The following HFM1 variants were observed in gnomAD, a reference collection of about 807,000 sequenced individuals.
HFM1 encodes the protein helicase for meiosis 1.
In HFM1, 169 loss-of-function variants were observed where a neutral mutation model predicts 192.1. The ratio of observed to expected loss-of-function variants is 0.88; its 90% CI spans 0.78 to 1.00. The LOEUF is 1.00. Ranked by LOEUF, HFM1 falls within the 50% of genes least tolerant of loss-of-function variation. The pLI is 0.00. For missense variants in HFM1, 1,661 were observed against 1,668.0 expected, an observed-to-expected ratio of 1.00 and a Z score of 0.07; for synonymous variants, 525 against 537.8, an observed-to-expected ratio of 0.98 and a Z score of 0.33.
intron 30 of HFM1, among the ~76,000 whole-genome samples, chr1:91,310,847 C>T (rs1272804257): frequency 6.6e-6 from 1 of 152,198 alleles, no homozygotes; most frequent in Non-Finnish European, 1.5e-5. Flanking sequence ...ACAATTAAAC[C>T]TCTTTTCCTT....
rs76815039 is a variant in HFM1 at position 91,269,877 on chromosome 1, G to A, written c.3773-2022C>T. Among the ~76,000 whole-genome samples the A allele has an allele frequency of 1.6e-3, 237 of 152,210 alleles. 5 individuals are homozygous for A. The East Asian group carries it at 0.045, about 29-fold the overall frequency. On this transcript the variant is annotated intron_variant, in intron 34 of 38. Transcript: ENST00000370425. ...TATGAGAGAACAGAGAATTTGGGGA[G>A]AACTGTAAGTTTTCAGGATTTCTGG...
At position 91,278,728 on chromosome 1, in the gene HFM1, G is replaced by T. The variant is rs140581952; in HGVS notation, c.3392-1666C>A. Reference sequence around the variant, plus strand: ...TATGAGGCAACGGCTGGTCCTTAGAGCTGAACAGATCAATGTATTGGGTAC... The same window carrying T: ...TATGAGGCAACGGCTGGTCCTTAGATCTGAACAGATCAATGTATTGGGTAC... On this transcript the variant is annotated intron_variant, in intron 30 of 38. Transcript: ENST00000370425. 3.9e-5 allele frequency among the ~76,000 whole-genome samples: 6 copies of T among 152,228 alleles called. No individual in the cohort carries two copies. In the East Asian group the frequency reaches 1.2e-3, roughly 29 times the overall value.
intron 30 of HFM1, among the ~76,000 whole-genome samples, chr1:91,303,415 T>C (rs949189280): frequency 6.6e-5 from 10 of 152,342 alleles, no homozygotes; most frequent in East Asian, 3.9e-4. Flanking sequence ...TATTCATCAG[T>C]TGATAGATAT....
At chr1:91,307,455 T>G (rs779658030) in intron 30 of HFM1, among the ~76,000 whole-genome samples, 37 of 152,102 alleles carry the variant, frequency 2.4e-4, no homozygotes, top group Admixed American at 9.8e-4. Flanking sequence ...ATTTATTTTA[T>G]TTTATTTTTT....
intron 6 of HFM1, among the ~76,000 whole-genome samples, chr1:91,382,974 TAAAATATTTA>T (rs1251262720): frequency 6.6e-6 from 1 of 152,146 alleles, no homozygotes; most frequent in Non-Finnish European, 1.5e-5. Context: ...TCAAATGCAG[TAAAATATTTA>T]AAGAGAATAA....
chr1:91,380,262 T>C (rs762665291), intron 7 of HFM1, 26 bp from the exon 8 acceptor site: 22 of 1,413,000 alleles, frequency 1.6e-5, no homozygotes, highest in Non-Finnish European at 1.8e-5. Flanking sequence ...TAATCAATCA[T>C]GTAACATATA....
chr1:91,306,339 AAAAAC>A (rs565935704), intron 30 of HFM1, among the ~76,000 whole-genome samples: 3 of 152,340 alleles, frequency 2.0e-5, no homozygotes, highest in Middle Eastern at 3.4e-3. Flanking sequence ...TCTCAAAAAC[AAAAAC>A]AAAACAAAAC....
In HFM1 at chr1:91,273,811, C is replaced by A; in HGVS notation, c.3673G>T (p.Glu1225Ter). 1 of 1,513,468 alleles carries A rather than the reference C, an allele frequency of 6.6e-7. No individual in the cohort carries two copies. Among genetic ancestry groups the A allele is most frequent in the Non-Finnish European group, 9.1e-7 (1 of 1,095,174 alleles). 93.8% of individuals were successfully genotyped at this position (1,513,468 alleles called of 1,614,324 possible). A position where few individuals can be genotyped will look rare whatever the true frequency, so the allele number is the denominator to read the frequency against. ...KPSLPSISRS[E>*]YLNISELPIM... ...GGCAATTCAGATATGTTTAAATATTCTGACCTTTATAAAGATAAAACCATG... is the reference window on the plus strand; with the variant it reads ...GGCAATTCAGATATGTTTAAATATTATGACCTTTATAAAGATAAAACCATG... The change falls in exon 34 of 39, where the codon GAA becomes TAA. Residue 1225 changes from glutamate to a stop codon, truncating the protein, a stop_gained. Coordinates refer to ENST00000370425, the MANE Select transcript of HFM1 (RefSeq NM_001017975.6). LOFTEE classifies it high-confidence loss of function.
At chr1:91,372,738 AAAAAG>A (rs1660396546) in intron 13 of HFM1, among the ~76,000 whole-genome samples, 1 of 152,202 alleles carries the variant, frequency 6.6e-6, no homozygotes, top group Non-Finnish European at 1.5e-5. Flanking sequence ...GTATAATAAA[AAAAAG>A]AAAATTCATA....
intron 36 of HFM1, among the ~76,000 whole-genome samples, chr1:91,263,731 T>C (rs1162596262): frequency 6.6e-6 from 1 of 152,094 alleles, no homozygotes; most frequent in Non-Finnish European, 1.5e-5. Context: ...CTACCTTAAA[T>C]AAGTAAAAAA....
intron 35 of HFM1, among the ~76,000 whole-genome samples, chr1:91,266,426 C>A (rs1665770460): frequency 6.6e-6 from 1 of 152,190 alleles, no homozygotes; most frequent in East Asian, 1.9e-4. Context: ...CTGGTATTCA[C>A]TGTGGAACTG....
chr1:91,347,595 C>A, intron 18 of HFM1, 119 bp from the exon 19 acceptor site: 1 of 494,314 alleles, frequency 2.0e-6, no homozygotes, highest in Non-Finnish European at 3.6e-6. Context: ...AAAATCTCAG[C>A]TGATTGAGTT....
intron 13 of HFM1, among the ~76,000 whole-genome samples, chr1:91,358,313 T>C (rs1424147173): frequency 6.6e-6 from 1 of 152,042 alleles, no homozygotes; most frequent in Non-Finnish European, 1.5e-5. Context: ...ATAAAATTAG[T>C]ATGGAACCAC....
At chr1:91,352,685 A>C in intron 15 of HFM1, 34 bp from the exon 16 acceptor site, 1 of 1,514,180 alleles carries the variant, frequency 6.6e-7, no homozygotes, top group South Asian at 1.4e-5. Context: ...ATTTTGAGCC[A>C]TTTAACTTTG....
At chr1:91,314,095 C>T (rs769199485) in intron 28 of HFM1, 35 bp from the exon 29 acceptor site, 1 of 1,252,298 alleles carries the variant, frequency 8.0e-7, no homozygotes, top group South Asian at 1.3e-5. Flanking sequence ...GTGATCCAAA[C>T]ACTGAATGAA....
Position 91,329,857 on chromosome 1 carries a change from G to T in HFM1, c.2336-5091C>A, listed in dbSNP as rs138830021. 2.1e-3 allele frequency among the ~76,000 whole-genome samples: 323 copies of T among 152,318 alleles called. 1 individual carries two copies. The highest frequency in any genetic ancestry group is 7.3e-3 in the African/African-American group (305 of 41,586). On this transcript the variant is annotated intron_variant, in intron 20 of 38. Transcript: ENST00000370425. Reference sequence around the variant, plus strand: ...GAGATAAAAGGGGGAGACAAAAGATGTACAAAAATGATTTCCTGGCTGGCC... The same window carrying T: ...GAGATAAAAGGGGGAGACAAAAGATTTACAAAAATGATTTCCTGGCTGGCC...
chr1:91,319,079 A>C lies in HFM1; in HGVS notation c.2811T>G (p.Ile937Met), dbSNP rs1015088198. 1.3e-6 allele frequency: 2 copies of C among 1,588,434 alleles called. No homozygotes were observed. The highest frequency in any genetic ancestry group is 2.7e-5 in the African/African-American group (2 of 73,074). ...SLHVSKQLEK[I>M]GITLSNAIVN... ...TGCCTGCCTGTATTCAGTACCTACC[A>C]ATTTTTTCCAGTTGTTTGGATACAT... The change falls in exon 25 of 39, where the codon ATT becomes ATG. Residue 937 changes from isoleucine to methionine, a missense_variant and splice_region_variant. Physicochemically the swap from Ile to Met is conservative, Grantham distance 10. Transcript: ENST00000370425.
At chr1:91,278,302 CTT>C (rs1356492741) in intron 30 of HFM1, among the ~76,000 whole-genome samples, 1 of 152,002 alleles carries the variant, frequency 6.6e-6, no homozygotes, top group African/African-American at 2.4e-5. Flanking sequence ...ATGATTTACT[CTT>C]AATTTATTAT....
chr1:91,404,428 C>G lies in HFM1; in HGVS notation c.-28+370G>C, dbSNP rs369440166. On this transcript the variant is annotated intron_variant, in intron 1 of 38. Transcript: ENST00000370425. ...GCTCAGACAGATGGGTACGTCCCCC[C>G]CAGCGCTCGCTCAGGGGGCGCCACA... is the stretch of plus-strand genomic sequence containing the variant. 9.9e-4 allele frequency among the ~76,000 whole-genome samples: 151 copies of G among 152,338 alleles called. No homozygotes were observed. In the East Asian group the frequency reaches 0.022, roughly 22 times the overall value.
Sources: gnomAD v4.1 joint callset for allele counts (sites outside exome capture counted in the v4.1 genomes callset) on GRCh38, gnomAD v4.1.1 for gene constraint, MANE v1.5 for transcripts, NCBI Gene and HGNC (gene_info 2026-07-23, HGNC 2026-07-21) for gene names.